The following AK5 variants were observed in gnomAD, a reference collection of about 807,000 sequenced individuals.
AK5 encodes the protein adenylate kinase isoenzyme 5.
A neutral mutation model predicts 69.5 loss-of-function variants in AK5; 27 were observed. The ratio of observed to expected loss-of-function variants is 0.39; its 90% CI spans 0.29 to 0.54. The LOEUF (loss-of-function observed/expected upper bound fraction) is 0.54. AK5 is among the 20% of genes least tolerant of loss of function. The pLI is 0.71. For missense variants in AK5, 531 were observed against 700.4 expected (o/e 0.76, Z 2.73); for synonymous variants, 260 against 244.4 (o/e 1.06, Z -0.60).
chr1:77,435,975 A>G (rs114180122), intron 8 of AK5, among the ~76,000 whole-genome samples: 129 of 152,336 alleles, frequency 8.5e-4, no homozygotes, highest in Non-Finnish European at 1.4e-3. Flanking sequence ...CTTTGATGGC[A>G]TGCTTAAGCC....
intron 8 of AK5, among the ~76,000 whole-genome samples, chr1:77,479,077 G>C (rs77220725): frequency 0.01 from 1,548 of 151,682 alleles, 34 homozygotes; most frequent in East Asian, 0.079. Flanking sequence ...TCCATAGCCA[G>C]TAATCCCACT....
rs546645705 is a variant in AK5 at position 77,533,640 on chromosome 1, T to C, written c.1429-2207T>C. Among the ~76,000 whole-genome samples, 6 of 151,738 alleles carry C rather than the reference T, an allele frequency of 4.0e-5. No individual in the cohort carries two copies. In the South Asian group the frequency reaches 1.3e-3, roughly 32 times the overall value. On this transcript the variant is annotated intron_variant, in intron 12 of 13. Coordinates refer to ENST00000354567, the MANE Select transcript of AK5 (RefSeq NM_174858.3). The stretch of plus-strand genomic sequence containing the variant: ...CCGTGGGCCACACTTTGGGAATCAG[T>C]GTGGAAGAAAAAGCTACCTCTCTGC...
chr1:77,434,571 G>A (rs1651844911), intron 8 of AK5, among the ~76,000 whole-genome samples: 1 of 152,072 alleles, frequency 6.6e-6, no homozygotes, highest in Admixed American at 6.6e-5. Context: ...AAACAATACA[G>A]AAAGTTCCAT....
At chr1:77,472,851 C>T (rs1319391542) in intron 8 of AK5, among the ~76,000 whole-genome samples, 1 of 152,144 alleles carries the variant, frequency 6.6e-6, no homozygotes, top group African/African-American at 2.4e-5. Flanking sequence ...TCTAGTTGCC[C>T]ACATCCCTTG....
At chr1:77,291,870 A>G (rs1658706529) in intron 2 of AK5, among the ~76,000 whole-genome samples, 2 of 152,218 alleles carry the variant, frequency 1.3e-5, no homozygotes, top group Admixed American at 1.3e-4. Flanking sequence ...GATGTCCCTG[A>G]GACTCACTAG....
chr1:77,367,269 T>C (rs879388719), intron 6 of AK5, among the ~76,000 whole-genome samples: 1 of 151,822 alleles, frequency 6.6e-6, no homozygotes, highest in Non-Finnish European at 1.5e-5. Context: ...ATATACATAG[T>C]GAGATATCTT....
Position 77,533,506 on chromosome 1 carries a change from C to A in AK5, c.1429-2341C>A, listed in dbSNP as rs1425366120. ...CCTAGGCTGCAGAGCAAGACTCTGT[C>A]ACCAAAAAAAAAAAAAAAAAAAAAA... On this transcript the variant is annotated intron_variant, in intron 12 of 13. Transcript: ENST00000354567. 3.0e-4 allele frequency among the ~76,000 whole-genome samples: 20 copies of A among 67,512 alleles called. No homozygotes were observed. In the Admixed American group the frequency reaches 4.2e-3, roughly 14 times the overall value. The allele number at this position is 67,512 out of a possible 152,430, so 44.3% of individuals were successfully genotyped here. A position where few individuals can be genotyped will look rare whatever the true frequency, so the allele number is the denominator to read the frequency against.
Position 77,444,480 on chromosome 1 carries a change from TAG to T in AK5, c.1059+26766_1059+26767del, listed in dbSNP as rs1258620645. On this transcript the variant is annotated intron_variant, in intron 8 of 13. Coordinates refer to ENST00000354567, the MANE Select transcript of AK5 (RefSeq NM_174858.3). ...ACATAGTATAAATATATACTATATATAGTATATACATAGTATAAATATATACT... is the reference window on the plus strand; with the variant it reads ...ACATAGTATAAATATATACTATATATTATATACATAGTATAAATATATACT... Among the ~76,000 whole-genome samples, 7 of 6,468 alleles carry T rather than the reference TAG, an allele frequency of 1.1e-3. No individual in the cohort carries two copies. In the Admixed American group the frequency reaches 0.012, roughly 11 times the overall value. 4.2% of individuals were successfully genotyped at this position (6,468 alleles called of 152,430 possible). A position where few individuals can be genotyped will look rare whatever the true frequency, so the allele number is the denominator to read the frequency against.
intron 8 of AK5, among the ~76,000 whole-genome samples, chr1:77,475,389 TA>T (rs1654819668): frequency 8.5e-5 from 1 of 11,818 alleles, no homozygotes; most frequent in Admixed American, 1.4e-3. Flanking sequence ...TATATATATG[TA>T]TATATATAAT....
At chr1:77,549,926 G>A (rs1467367654) in intron 13 of AK5, among the ~76,000 whole-genome samples, 1 of 151,978 alleles carries the variant, frequency 6.6e-6, no homozygotes, top group African/African-American at 2.4e-5. Flanking sequence ...CTAGGCTCAA[G>A]TGACCCTCCC....
chr1:77,367,628 G>A (rs1372950929), intron 6 of AK5, among the ~76,000 whole-genome samples: 5 of 41,770 alleles, frequency 1.2e-4, no homozygotes, highest in African/African-American at 2.2e-4. Context: ...TGTTATATAT[G>A]TAATATATAT....
At chr1:77,310,385 T>G (rs568354477) in intron 5 of AK5, among the ~76,000 whole-genome samples, 1 of 152,022 alleles carries the variant, frequency 6.6e-6, no homozygotes, top group Admixed American at 6.5e-5. Context: ...TGGTTTTTAT[T>G]TTTTTTTCTT....
chr1:77,433,633 A>G (rs1398507562), intron 8 of AK5, among the ~76,000 whole-genome samples: 1 of 152,202 alleles, frequency 6.6e-6, no homozygotes, highest in African/African-American at 2.4e-5. Flanking sequence ...GTAGGAAGAA[A>G]AAGTAAATGC....
chr1:77,377,365 C>T (rs1452648804), intron 6 of AK5, among the ~76,000 whole-genome samples: 1 of 152,106 alleles, frequency 6.6e-6, no homozygotes, highest in Non-Finnish European at 1.5e-5. Flanking sequence ...TGTCAAAAAC[C>T]TCAGTCATGC....
intron 9 of AK5, among the ~76,000 whole-genome samples, chr1:77,485,172 A>C (rs1432849939): frequency 6.6e-6 from 1 of 152,222 alleles, no homozygotes; most frequent in Admixed American, 6.5e-5. Context: ...ACCATGGGTT[A>C]TTCTGTAAAG....
chr1:77,435,552 G>A (rs1267819508), intron 8 of AK5, among the ~76,000 whole-genome samples: 1 of 151,770 alleles, frequency 6.6e-6, no homozygotes, highest in African/African-American at 2.4e-5. Flanking sequence ...GGAGGCTGAG[G>A]CAGGAGAATC....
At position 77,317,770 on chromosome 1, in the gene AK5, C is replaced by T. The variant is rs192953731; in HGVS notation, c.699+19823C>T. On this transcript the variant is annotated intron_variant, in intron 5 of 13. Coordinates refer to ENST00000354567, the MANE Select transcript of AK5 (RefSeq NM_174858.3). ...AATTATTGTCCACAAATATGTTTCT[C>T]CTTCTATGGTTTGATTCAGAATCAA... Among the ~76,000 whole-genome samples, 868 of 152,280 alleles carry T rather than the reference C, an allele frequency of 5.7e-3. 7 individuals carry two copies. Among genetic ancestry groups the T allele is most frequent in the Non-Finnish European group, 9.1e-3 (622 of 68,016 alleles).
intron 10 of AK5, among the ~76,000 whole-genome samples, chr1:77,491,920 A>AT (rs1656030112): frequency 6.6e-6 from 1 of 152,142 alleles, no homozygotes; most frequent in Non-Finnish European, 1.5e-5. Flanking sequence ...GAAAGCATGG[A>AT]TTTTTGCAAA....
intron 5 of AK5, among the ~76,000 whole-genome samples, chr1:77,327,572 C>A (rs2100343467): frequency 6.6e-6 from 1 of 152,294 alleles, no homozygotes; most frequent in African/African-American, 2.4e-5. Flanking sequence ...TTCAATCATG[C>A]ATTACATGCA....
Sources: allele counts gnomAD v4.1 joint callset (sites outside exome capture counted in the v4.1 genomes callset), GRCh38; gene constraint gnomAD v4.1.1; transcripts MANE v1.5; gene names NCBI Gene and HGNC (gene_info 2026-07-23, HGNC 2026-07-21).